The following NAA60 variants were observed in gnomAD, a reference collection of about 807,000 sequenced individuals.
The protein encoded by NAA60 is N-alpha-acetyltransferase 60.
Under a neutral mutation model 26.1 loss-of-function variants are expected in NAA60, and 8 were observed. The ratio of observed to expected loss-of-function variants is 0.31; its 90% CI spans 0.18 to 0.55. The LOEUF (loss-of-function observed/expected upper bound fraction) is 0.55. Among genes scored for constraint, NAA60 ranks in the 20% least tolerant of loss-of-function variants. NAA60 has a pLI of 0.93. For synonymous variants in NAA60, 131 were observed against 122.5 expected (o/e 1.07, Z -0.46); for missense variants, 290 against 311.3 (o/e 0.93, Z 0.51).
chr16:3,484,872 G>A lies in NAA60; in HGVS notation c.*17G>A, dbSNP rs779335788. The A allele has an allele frequency of 3.5e-5, 54 of 1,552,786 alleles. No individual in the cohort carries two copies. Among genetic ancestry groups the A allele is most frequent in the Admixed American group, 1.2e-4 (6 of 51,310 alleles). On this transcript the variant is annotated 3_prime_UTR_variant, in exon 7 of 8. Coordinates refer to ENST00000407558, the MANE Select transcript of NAA60 (RefSeq NM_001083601.3). ...ACCATGTGATGTCGGCTGGGCAGCC[G>A]CCACCAGGCCCCACCCTTCGGCCGC...
At chr16:3,450,393 T>A (rs1398694070) in intron 2 of NAA60, among the ~76,000 whole-genome samples, 2 of 152,138 alleles carry the variant, frequency 1.3e-5, no homozygotes, top group Admixed American at 6.5e-5. Context: ...GATTTCTTTC[T>A]GGGTGAGTCA....
chr16:3,446,375 C>A (rs2034553818), intron 1 of NAA60, among the ~76,000 whole-genome samples: 1 of 151,524 alleles, frequency 6.6e-6, no homozygotes, highest in Non-Finnish European at 1.5e-5. Context: ...ACTAAAAATA[C>A]AAAAAATTAG....
chr16:3,458,143 C>A, intron 2 of NAA60: 10 of 985,170 alleles, frequency 1.0e-5, no homozygotes, highest in Non-Finnish European at 1.2e-5. Context: ...ATGCGCTGAG[C>A]CCTACAACAC....
intron 2 of NAA60, among the ~76,000 whole-genome samples, chr16:3,454,912 C>G (rs2034916680): frequency 6.6e-6 from 1 of 152,204 alleles, no homozygotes; most frequent in African/African-American, 2.4e-5. Flanking sequence ...TACAAATAAC[C>G]TTGAATATCT....
In NAA60 at chr16:3,480,369, G is replaced by A. The variant is rs529319377; in HGVS notation, c.240+769G>A. Among the ~76,000 whole-genome samples the A allele has an allele frequency of 1.6e-4, 25 of 152,264 alleles. 1 individual carries two copies. The South Asian group carries it at 5.0e-3, about 30-fold the overall frequency. On this transcript the variant is annotated intron_variant, in intron 4 of 7. Transcript: ENST00000407558. ...CTCAGCACTTTGGGAGGCCGAGGCGGGCAGATCATCTGAGGTCAGGAGTTC... is the reference window on the plus strand; with the variant it reads ...CTCAGCACTTTGGGAGGCCGAGGCGAGCAGATCATCTGAGGTCAGGAGTTC...
intron 3 of NAA60, among the ~76,000 whole-genome samples, chr16:3,478,526 C>T (rs1287648682): frequency 6.6e-6 from 1 of 152,212 alleles, no homozygotes; most frequent in East Asian, 1.9e-4. Context: ...GTGCCTCTGT[C>T]CTCCTGACCT....
At chr16:3,478,956 C>G (rs2036655561) in intron 3 of NAA60, among the ~76,000 whole-genome samples, 1 of 152,100 alleles carries the variant, frequency 6.6e-6, no homozygotes. Context: ...TTTTCCCGGG[C>G]CAGGCGCGGT....
At chr16:3,481,374 C>T (rs1204944512) in intron 4 of NAA60, among the ~76,000 whole-genome samples, 16 of 152,276 alleles carry the variant, frequency 1.1e-4, no homozygotes, top group African/African-American at 3.6e-4. Flanking sequence ...TGTGAGCCAC[C>T]GTGCCCAGCC....
intron 2 of NAA60, among the ~76,000 whole-genome samples, chr16:3,474,189 G>A (rs1355674922): frequency 6.6e-6 from 1 of 152,228 alleles, no homozygotes; most frequent in Non-Finnish European, 1.5e-5. Context: ...TGAACCAGGA[G>A]CTGAGAACCA....
intron 3 of NAA60, 70 bp downstream of exon 3, chr16:3,476,407 T>TG: frequency 7.8e-7 from 1 of 1,290,046 alleles, no homozygotes; most frequent in Non-Finnish European, 1.1e-6. Flanking sequence ...GCGGCGGGGG[T>TG]GGGGGCCTCT....
In NAA60 at chr16:3,483,273, C is replaced by T. The variant is rs535866218; in HGVS notation, c.338-90C>T. 16 of 946,448 alleles carry T rather than the reference C, an allele frequency of 1.7e-5. No individual in the cohort carries two copies. In the Admixed American group the frequency reaches 2.0e-4, roughly 12 times the overall value. 58.6% of individuals were successfully genotyped at this position (946,448 alleles called of 1,614,324 possible). The stretch of plus-strand genomic sequence containing the variant: ...CTGATACGGTGGGCCGAGACATCTC[C>T]GAGAGACTCATGCAAAGCCCCCATC... On this transcript the variant is annotated intron_variant, in intron 5 of 7. Coordinates refer to ENST00000407558, the MANE Select transcript of NAA60 (RefSeq NM_001083601.3).
intron 2 of NAA60, among the ~76,000 whole-genome samples, chr16:3,474,329 T>C (rs1056989982): frequency 1.3e-5 from 2 of 152,106 alleles, no homozygotes; most frequent in African/African-American, 4.8e-5. Flanking sequence ...AAGGCTGGTG[T>C]AGAGGGGCAC....
chr16:3,470,962 G>A (rs114087176), intron 2 of NAA60, among the ~76,000 whole-genome samples: 4 of 135,406 alleles, frequency 3.0e-5, no homozygotes, highest in Admixed American at 1.4e-4. Flanking sequence ...GGTGTGACGC[G>A]TTTCCATTTT....
chr16:3,455,419 C>G (rs2034948226), intron 2 of NAA60, among the ~76,000 whole-genome samples: 1 of 117,484 alleles, frequency 8.5e-6, no homozygotes, highest in South Asian at 3.0e-4. Context: ...GAGACGGAGT[C>G]TCGCTCTGTC....
intron 2 of NAA60, among the ~76,000 whole-genome samples, chr16:3,451,772 G>C (rs7191226): frequency 0.043 from 6,463 of 151,456 alleles, 328 homozygotes; most frequent in South Asian, 0.13. Flanking sequence ...GCAAAAACTA[G>C]TGAGGCTTGG....
chr16:3,471,138 G>A (rs923313569), intron 2 of NAA60, among the ~76,000 whole-genome samples: 1 of 152,198 alleles, frequency 6.6e-6, no homozygotes, highest in Admixed American at 6.5e-5. Flanking sequence ...GGACATGAGA[G>A]ATGCGAGCTT....
chr16:3,479,379 G>T (rs2036683958), intron 3 of NAA60, 92 bp from the exon 4 acceptor site: 1 of 1,406,198 alleles, frequency 7.1e-7, no homozygotes, highest in East Asian at 2.3e-5. Flanking sequence ...GGCAGAAGTG[G>T]CCCAGAGCTC....
intron 3 of NAA60, among the ~76,000 whole-genome samples, chr16:3,478,105 A>G (rs1245593067): frequency 6.6e-6 from 1 of 150,586 alleles, no homozygotes; most frequent in Non-Finnish European, 1.5e-5. Flanking sequence ...GCCTGGTGGC[A>G]CGCACCTGTA....
Position 3,453,056 on chromosome 16 carries a change from A to C in NAA60, c.-7+4516A>C, listed in dbSNP as rs565280701. On this transcript the variant is annotated intron_variant, in intron 2 of 7. Coordinates refer to ENST00000407558, the MANE Select transcript of NAA60 (RefSeq NM_001083601.3). ...CTTCACACTCTTGGTATGAGAATAA[A>C]TTGGTAAAACTTTCTGGCAGGCAAT... 7.2e-5 allele frequency among the ~76,000 whole-genome samples: 11 copies of C among 152,304 alleles called. No individual in the cohort carries two copies. The East Asian group carries it at 1.9e-3, about 27-fold the overall frequency.
Sources: allele counts gnomAD v4.1 joint callset (sites outside exome capture counted in the v4.1 genomes callset), GRCh38; gene constraint gnomAD v4.1.1; transcripts MANE v1.5; gene names NCBI Gene and HGNC (gene_info 2026-07-23, HGNC 2026-07-21).